NRIP1: variants seen among roughly 807,000 people sequenced by gnomAD.
NRIP1 encodes nuclear receptor interacting protein 1, also known as nuclear receptor-interacting protein 1.
In NRIP1, 28 loss-of-function variants were observed where a neutral mutation model predicts 75.0. The ratio of observed to expected loss-of-function variants is 0.37; its 90% CI spans 0.28 to 0.51. The LOEUF is 0.51. Among genes scored for constraint, NRIP1 ranks in the 20% least tolerant of loss-of-function variants. NRIP1 has a pLI of 0.92. For synonymous variants in NRIP1, 526 were observed against 487.6 expected (o/e 1.08, Z -1.04); for missense variants, 1,435 against 1,343.7 (o/e 1.07, Z -1.06).
intron 2 of NRIP1, among the ~76,000 whole-genome samples, chr21:15,033,044 T>C (rs2088746255): frequency 6.6e-6 from 1 of 151,912 alleles, no homozygotes; most frequent in Admixed American, 6.6e-5. Flanking sequence ...GCTAACATGG[T>C]GAAACCCTGT....
chr21:15,053,609 A>G (rs1263345577), intron 1 of NRIP1, among the ~76,000 whole-genome samples: 2 of 152,210 alleles, frequency 1.3e-5, no homozygotes, highest in Admixed American at 1.3e-4. Context: ...ATGAACAATG[A>G]GGGAAAAAAT....
chr21:15,062,431 G>C (rs1978380483), intron 1 of NRIP1, among the ~76,000 whole-genome samples: 1 of 152,198 alleles, frequency 6.6e-6, no homozygotes, highest in Admixed American at 6.5e-5. Flanking sequence ...TGATTGGGAA[G>C]ATTTCTTGAA....
At chr21:15,019,472 T>A (rs1278271123) in intron 2 of NRIP1, among the ~76,000 whole-genome samples, 1 of 35,862 alleles carries the variant, frequency 2.8e-5, no homozygotes, top group Non-Finnish European at 5.6e-5. Context: ...CTGCATTTCT[T>A]TTTTTTTTTT....
At chr21:15,006,075 T>C (rs1272492347) in intron 3 of NRIP1, among the ~76,000 whole-genome samples, 2 of 152,202 alleles carry the variant, frequency 1.3e-5, no homozygotes, top group African/African-American at 4.8e-5. Flanking sequence ...ACTTCACGCA[T>C]ACTGCATATA....
intron 2 of NRIP1, among the ~76,000 whole-genome samples, chr21:15,015,804 T>A (rs565444719): frequency 6.6e-6 from 1 of 152,216 alleles, no homozygotes; most frequent in Non-Finnish European, 1.5e-5. Context: ...GTAATTGTTA[T>A]TTTTTCTTTT....
At chr21:15,056,138 A>T (rs1031077713) in intron 1 of NRIP1, among the ~76,000 whole-genome samples, 21 of 152,154 alleles carry the variant, frequency 1.4e-4, no homozygotes, top group African/African-American at 4.8e-4. Context: ...AACTTGTTTG[A>T]TAAATGGGGG....
rs759022400 is a variant in NRIP1 at position 14,966,883 on chromosome 21, T to C, written c.1310A>G (p.Asn437Ser). 8.1e-6 allele frequency: 13 copies of C among 1,614,060 alleles called. No homozygotes were observed. In the Admixed American group the frequency reaches 1.3e-4, roughly 17 times the overall value. ...DSSGDESSYS[N>S]CVPIDLSCKH... Reference sequence around the variant, plus strand: ...GCAAGACAAGTCTATGGGAACACAGTTGGAATAAGAACTTTCATCACCACT... The same window carrying C: ...GCAAGACAAGTCTATGGGAACACAGCTGGAATAAGAACTTTCATCACCACT... Residue 437 changes from asparagine to serine, a missense_variant, in exon 4 of 4, where the codon AAC (asparagine) becomes AGC (serine). Physicochemically the swap from Asn to Ser is conservative, Grantham distance 46. Coordinates refer to ENST00000318948, the MANE Select transcript of NRIP1 (RefSeq NM_003489.4).
chr21:14,982,564 A>G (rs1019564600), intron 3 of NRIP1, among the ~76,000 whole-genome samples: 6 of 152,112 alleles, frequency 3.9e-5, no homozygotes, highest in African/African-American at 1.5e-4. Context: ...TGAACTCCAT[A>G]GCCTGAGGGT....
At chr21:14,991,676 T>G (rs2087576520) in intron 3 of NRIP1, among the ~76,000 whole-genome samples, 1 of 152,036 alleles carries the variant, frequency 6.6e-6, no homozygotes, top group Admixed American at 6.6e-5. Context: ...GAGAATATCA[T>G]GGCCATAAAA....
At chr21:15,022,549 G>A (rs1224805261) in intron 2 of NRIP1, among the ~76,000 whole-genome samples, 2 of 152,110 alleles carry the variant, frequency 1.3e-5, no homozygotes, top group African/African-American at 2.4e-5. Context: ...TAAAATAAAA[G>A]TTGAAGAAAA....
intron 3 of NRIP1, among the ~76,000 whole-genome samples, chr21:14,989,453 G>A (rs2087507769): frequency 6.6e-6 from 1 of 152,134 alleles, no homozygotes; most frequent in African/African-American, 2.4e-5. Flanking sequence ...TGTAGGAAAC[G>A]TTGACCAAAA....
intron 1 of NRIP1, chr21:15,051,084 C>T (rs932125163): frequency 2.7e-6 from 1 of 365,730 alleles, no homozygotes; most frequent in African/African-American, 2.1e-5. Flanking sequence ...GAAACGGCTG[C>T]AGCCCGGTCT....
At chr21:14,994,281 T>G (rs920722355) in intron 3 of NRIP1, among the ~76,000 whole-genome samples, 2 of 152,116 alleles carry the variant, frequency 1.3e-5, no homozygotes, top group Non-Finnish European at 2.9e-5. Flanking sequence ...TGCACCACCA[T>G]GCCTGGCTAA....
At chr21:15,023,623 A>T (rs1245425708) in intron 2 of NRIP1, among the ~76,000 whole-genome samples, 4 of 152,254 alleles carry the variant, frequency 2.6e-5, no homozygotes, top group Non-Finnish European at 4.4e-5. Flanking sequence ...AGTATCGTAA[A>T]ATGACAATTC....
At chr21:15,025,579 A>G (rs2088498045) in intron 2 of NRIP1, among the ~76,000 whole-genome samples, 2 of 152,332 alleles carry the variant, frequency 1.3e-5, no homozygotes, top group African/African-American at 4.8e-5. Context: ...ATAATTATTA[A>G]TTACAGAGGG....
At chr21:15,030,943 T>C (rs1445211560) in intron 2 of NRIP1, among the ~76,000 whole-genome samples, 2 of 130,666 alleles carry the variant, frequency 1.5e-5, no homozygotes, top group Non-Finnish European at 3.6e-5. Context: ...TGGAAGGCAC[T>C]CAGAGGATCA....
At chr21:15,004,743 T>G (rs2087925741) in intron 3 of NRIP1, among the ~76,000 whole-genome samples, 1 of 152,196 alleles carries the variant, frequency 6.6e-6, no homozygotes. Flanking sequence ...TCTTCCTACA[T>G]CAGTTCTTTG....
In NRIP1 at chr21:14,968,232, C is replaced by G; in HGVS notation, c.-40G>C. The stretch of plus-strand genomic sequence containing the variant: ...TTCACAAGGGCTTGGTTTCTATTCA[C>G]TTTAAAGAATGGTTTTCTGTGGTGA... On this transcript the variant is annotated 5_prime_UTR_variant, in exon 4 of 4. Coordinates refer to ENST00000318948, the MANE Select transcript of NRIP1 (RefSeq NM_003489.4). 1 of 1,431,884 alleles carries G rather than the reference C, an allele frequency of 7.0e-7. No homozygotes were observed. Among genetic ancestry groups the G allele is most frequent in the Non-Finnish European group, 9.6e-7 (1 of 1,046,194 alleles). 88.7% of individuals were successfully genotyped at this position (1,431,884 alleles called of 1,614,324 possible). A position where few individuals can be genotyped will look rare whatever the true frequency, so the allele number is the denominator to read the frequency against.
intron 3 of NRIP1, among the ~76,000 whole-genome samples, chr21:14,979,520 GT>G (rs1257243614): frequency 6.6e-6 from 1 of 152,088 alleles, no homozygotes; most frequent in Non-Finnish European, 1.5e-5. Context: ...AGCTCCTAGG[GT>G]TTTTAGTACA....
Sources: gnomAD v4.1 joint callset for allele counts (sites outside exome capture counted in the v4.1 genomes callset) on GRCh38, gnomAD v4.1.1 for gene constraint, MANE v1.5 for transcripts, NCBI Gene and HGNC (gene_info 2026-07-23, HGNC 2026-07-21) for gene names.